ZGRF1: variants seen among roughly 807,000 people sequenced by gnomAD.
ZGRF1 encodes 5'-3' DNA helicase ZGRF1.
ZGRF1 carries 196 observed loss-of-function variants against 203.5 expected under a neutral mutation model. That is an observed-to-expected ratio of 0.96 (90% CI 0.86 to 1.08). The LOEUF (loss-of-function observed/expected upper bound fraction) is 1.08. Ranked by LOEUF, ZGRF1 falls within the 50% of genes least tolerant of loss-of-function variation. The pLI is 0.00. For synonymous variants in ZGRF1, 809 were observed against 841.3 expected (o/e 0.96, Z 0.66); for missense variants, 2,326 against 2,416.3 (o/e 0.96, Z 0.78).
At chr4:112,582,116 T>C (rs1037814489) in intron 15 of ZGRF1, among the ~76,000 whole-genome samples, 1 of 152,206 alleles carries the variant, frequency 6.6e-6, no homozygotes, top group Non-Finnish European at 1.5e-5. Flanking sequence ...ACATGTGATA[T>C]CCTGATACCT....
Position 112,619,200 on chromosome 4 carries a change from T to C in ZGRF1, c.842A>G (p.Lys281Arg), listed in dbSNP as rs1440435546. The change falls in exon 6 of 28, where the codon AAA (lysine) becomes AGA (arginine). Residue 281 changes from lysine to arginine, a missense_variant. Coordinates refer to ENST00000505019, the MANE Select transcript of ZGRF1 (RefSeq NM_018392.5). ...NSEMTEHFPQ[K>R]QPQGSLKIAT... ...AATTTTTAAACTTCCTTGTGGTTGTTTTTGAGGAAAATGCTCTGTCATCTC... is the reference window on the plus strand; with the variant it reads ...AATTTTTAAACTTCCTTGTGGTTGTCTTTGAGGAAAATGCTCTGTCATCTC... The C allele has an allele frequency of 1.2e-6, 2 of 1,613,410 alleles. No homozygotes were observed. The highest frequency in any genetic ancestry group is 4.5e-5 in the East Asian group (2 of 44,878).
Position 112,587,811 on chromosome 4 carries a change from A to T in ZGRF1, c.3246T>A (p.Ser1082=), listed in dbSNP as rs1221075618. Reference sequence around the variant, plus strand: ...TGTTAGAGTTGATCATATACGAATGAGAGTCTAAGTCAGGTGGCCCATCAG... The same window carrying T: ...TGTTAGAGTTGATCATATACGAATGTGAGTCTAAGTCAGGTGGCCCATCAG... ...PRTDGPPDLD[S]HSYMINSNTY... Residue 1082 remains serine, a synonymous_variant, in exon 12 of 28, where the codon TCT becomes TCA. Coordinates refer to ENST00000505019, the MANE Select transcript of ZGRF1 (RefSeq NM_018392.5). 11 of 1,551,834 alleles carry T rather than the reference A, an allele frequency of 7.1e-6. No homozygotes were observed. Among genetic ancestry groups the T allele is most frequent in the Non-Finnish European group, 4.4e-6 (5 of 1,147,046 alleles).
intron 2 of ZGRF1, among the ~76,000 whole-genome samples, chr4:112,632,843 A>G (rs1292663587): frequency 6.6e-6 from 1 of 152,214 alleles, no homozygotes; most frequent in Non-Finnish European, 1.5e-5. Flanking sequence ...CACACTTTCA[A>G]AGATTATGTT....
Position 112,565,041 on chromosome 4 carries a change from G to C in ZGRF1, c.4439-1767C>G, listed in dbSNP as rs1255081498. 1.0e-5 allele frequency: 11 copies of C among 1,101,348 alleles called. No individual in the cohort carries two copies. The East Asian group carries it at 2.6e-4, about 26-fold the overall frequency. 68.2% of individuals were successfully genotyped at this position (1,101,348 alleles called of 1,614,324 possible). A position where few individuals can be genotyped will look rare whatever the true frequency, so the allele number is the denominator to read the frequency against. On this transcript the variant is annotated intron_variant, in intron 16 of 27. Coordinates refer to ENST00000505019, the MANE Select transcript of ZGRF1 (RefSeq NM_018392.5). Reference sequence around the variant, plus strand: ...AATCAACCGGTGGTAAACCACCCAGGAAGCAACTGGCTACAAAAGCCGCTC... The same window carrying C: ...AATCAACCGGTGGTAAACCACCCAGCAAGCAACTGGCTACAAAAGCCGCTC...
intron 16 of ZGRF1, among the ~76,000 whole-genome samples, chr4:112,569,572 G>A (rs780260440): frequency 2.6e-5 from 4 of 152,002 alleles, no homozygotes; most frequent in Non-Finnish European, 5.9e-5. Flanking sequence ...AAGAACCAAG[G>A]GATGTGGGTG....
chr4:112,614,611 C>T (rs2046802671), intron 6 of ZGRF1, among the ~76,000 whole-genome samples: 1 of 152,118 alleles, frequency 6.6e-6, no homozygotes, highest in Non-Finnish European at 1.5e-5. Context: ...GGCAGATCAC[C>T]TGAGGTCAGT....
chr4:112,606,269 C>G (rs1158374723), intron 8 of ZGRF1, among the ~76,000 whole-genome samples, 178 bp from the exon 9 acceptor site: 2 of 152,222 alleles, frequency 1.3e-5, no homozygotes, highest in African/African-American at 4.8e-5. Flanking sequence ...CAAAGGGGTA[C>G]TTTAGCAGGT....
intron 18 of ZGRF1, chr4:112,561,270 AAAT>A: frequency 2.6e-6 from 1 of 379,072 alleles, no homozygotes; most frequent in Non-Finnish European, 4.9e-6. Flanking sequence ...CAACACTAGG[AAAT>A]AGTTAGTTAA....
chr4:112,586,607 T>C (rs111918173), intron 12 of ZGRF1, 24 bp from the exon 13 acceptor site: 2 of 1,556,668 alleles, frequency 1.3e-6, no homozygotes, highest in Admixed American at 3.7e-5. Context: ...ATTCAAGTTA[T>C]CATAGCAACT....
chr4:112,635,479 C>T (rs2149228087), intron 1 of ZGRF1, among the ~76,000 whole-genome samples: 1 of 152,088 alleles, frequency 6.6e-6, no homozygotes, highest in East Asian at 1.9e-4. Context: ...GGCTGGAGTG[C>T]AGTGTTGCAA....
At chr4:112,551,327 T>C (rs1291696606) in intron 22 of ZGRF1, among the ~76,000 whole-genome samples, 2 of 152,202 alleles carry the variant, frequency 1.3e-5, no homozygotes, top group African/African-American at 4.8e-5. Context: ...TGTAAAACAA[T>C]ACATTTCTCA....
At chr4:112,545,864 C>T (rs1738643624) in intron 24 of ZGRF1, among the ~76,000 whole-genome samples, 1 of 151,994 alleles carries the variant, frequency 6.6e-6, no homozygotes, top group South Asian at 2.1e-4. Context: ...CATAAAATGA[C>T]AAATACTGTA....
At chr4:112,569,449 A>C (rs1200936693) in intron 16 of ZGRF1, among the ~76,000 whole-genome samples, 1 of 152,178 alleles carries the variant, frequency 6.6e-6, no homozygotes, top group East Asian at 1.9e-4. Flanking sequence ...TCTTTTTGGG[A>C]ACCAGTAAGT....
intron 10 of ZGRF1, among the ~76,000 whole-genome samples, chr4:112,590,724 G>A (rs555528553): frequency 6.6e-6 from 1 of 152,014 alleles, no homozygotes; most frequent in Non-Finnish European, 1.5e-5. Flanking sequence ...TCAGGAGTTC[G>A]AGACCAGGAT....
intron 16 of ZGRF1, among the ~76,000 whole-genome samples, chr4:112,564,007 T>C (rs1349839668): frequency 6.6e-6 from 1 of 152,154 alleles, no homozygotes; most frequent in Non-Finnish European, 1.5e-5. Context: ...AAAGTATGTA[T>C]TTGGCAGTGG....
intron 24 of ZGRF1, among the ~76,000 whole-genome samples, chr4:112,544,815 A>G (rs12054589): frequency 0.18 from 27,550 of 152,162 alleles, 2,893 homozygotes; most frequent in East Asian, 0.52. Context: ...AAAAGAATAG[A>G]AAGTCCAGAA....
At chr4:112,597,161 C>T (rs1749155416) in intron 10 of ZGRF1, among the ~76,000 whole-genome samples, 1 of 149,136 alleles carries the variant, frequency 6.7e-6, no homozygotes, top group Admixed American at 6.7e-5. Flanking sequence ...TTGCAGTGAG[C>T]CGAGATCACA....
In ZGRF1 at chr4:112,621,949, A is replaced by C. The variant is rs925046741; in HGVS notation, c.163-1759T>G. On this transcript the variant is annotated intron_variant, in intron 4 of 27. Coordinates refer to ENST00000505019, the MANE Select transcript of ZGRF1 (RefSeq NM_018392.5). Reference sequence around the variant, plus strand: ...CTCCATGTTGGTCAGGCTGGTCTTGAACTCCTGACCTCAGGTGATCCGCCT... The same window carrying C: ...CTCCATGTTGGTCAGGCTGGTCTTGCACTCCTGACCTCAGGTGATCCGCCT... 6.0e-5 allele frequency among the ~76,000 whole-genome samples: 9 copies of C among 150,976 alleles called. No individual in the cohort carries two copies. The South Asian group carries it at 1.5e-3, about 25-fold the overall frequency.
At chr4:112,563,678 T>C (rs1214934302) in intron 16 of ZGRF1, among the ~76,000 whole-genome samples, 3 of 152,256 alleles carry the variant, frequency 2.0e-5, no homozygotes, top group Admixed American at 2.0e-4. Flanking sequence ...AAGACTATTT[T>C]ATTAGTCCGT....
Sources: gnomAD v4.1 joint callset for allele counts (sites outside exome capture counted in the v4.1 genomes callset) on GRCh38, gnomAD v4.1.1 for gene constraint, MANE v1.5 for transcripts, NCBI Gene and HGNC (gene_info 2026-07-23, HGNC 2026-07-21) for gene names.